HEPH: variants seen among roughly 807,000 people sequenced by gnomAD.
HEPH encodes hephaestin.
HEPH carries 69 observed loss-of-function variants against 80.8 expected under a neutral mutation model. The observed-to-expected ratio is 0.85, with a 90% CI of 0.70 to 1.04. The LOEUF is 1.04. Ranked by LOEUF, HEPH falls within the 50% of genes least tolerant of loss-of-function variation. The probability of loss-of-function intolerance (pLI) is 0.00; values close to 1 mark genes in which losing one functional copy is unlikely to be tolerated. For synonymous variants in HEPH, 431 were observed against 322.8 expected, an observed-to-expected ratio of 1.34 and a Z score of -3.60; for missense variants, 1,115 against 891.3, an observed-to-expected ratio of 1.25 and a Z score of -3.20.
chrX:66,203,650 A>G, intron 13 of HEPH, 73 bp downstream of exon 13: 2 of 907,949 alleles, frequency 2.2e-6, no homozygotes, highest in Admixed American at 5.4e-5. Context: ...AAATTCTGAG[A>G]TGAGGAGACT....
At chrX:66,241,482 T>G (rs1466223866) in intron 15 of HEPH, among the ~76,000 whole-genome samples, 1 of 111,453 alleles carries the variant, frequency 9.0e-6, no homozygotes, top group Non-Finnish European at 1.9e-5. Context: ...AAAACAGACT[T>G]TAAACCAACA....
intron 15 of HEPH, among the ~76,000 whole-genome samples, chrX:66,213,375 A>T (rs1369233627): frequency 9.0e-6 from 1 of 111,702 alleles, no homozygotes; most frequent in Non-Finnish European, 1.9e-5. Flanking sequence ...TTGTGGCACT[A>T]TTCACAATAG....
chrX:66,235,828 A>G (rs1362633107), intron 15 of HEPH, among the ~76,000 whole-genome samples: 1 of 111,966 alleles, frequency 8.9e-6, no homozygotes, highest in Non-Finnish European at 1.9e-5. Flanking sequence ...TCTATTCATG[A>G]TCCCATATTT....
intron 1 of HEPH, among the ~76,000 whole-genome samples, chrX:66,166,633 T>C (rs2086379928): frequency 8.9e-6 from 1 of 112,022 alleles, no homozygotes. Context: ...TGTCAATAAT[T>C]AGAAGGAAGA....
chrX:66,233,547 C>A (rs768428183), intron 15 of HEPH, among the ~76,000 whole-genome samples: 3 of 111,227 alleles, frequency 2.7e-5, no homozygotes, highest in South Asian at 7.5e-4. Flanking sequence ...AGAACATTTT[C>A]TTTTGCCCAA....
chrX:66,236,810 C>T (rs1367862222), intron 15 of HEPH, among the ~76,000 whole-genome samples: 2 of 110,969 alleles, frequency 1.8e-5, no homozygotes, highest in African/African-American at 6.6e-5. Context: ...TTTTATTGGC[C>T]TGTTCAGAAA....
chrX:66,240,003 A>G (rs945067406), intron 15 of HEPH, among the ~76,000 whole-genome samples: 1 of 111,898 alleles, frequency 8.9e-6, no homozygotes, highest in Admixed American at 9.5e-5. Flanking sequence ...TGAGAAACAA[A>G]CACATCAAAC....
rs763231609 is a variant in HEPH, at chrX:66,229,097, C to T, written c.2563+20851C>T. 9.8e-5 allele frequency among the ~76,000 whole-genome samples: 11 copies of T among 111,892 alleles called. No homozygotes were observed. In the East Asian group the frequency reaches 1.9e-3, roughly 20 times the overall value. On this transcript the variant is annotated intron_variant, in intron 15 of 20. Transcript: ENST00000343002. ...TTGCACATGCATGTTTATAGCAGCA[C>T]GATTTGCAATTGCAAAAATATGGAA...
intron 15 of HEPH, among the ~76,000 whole-genome samples, chrX:66,229,186 A>G (rs2090017536): frequency 8.9e-6 from 1 of 112,587 alleles, no homozygotes; most frequent in African/African-American, 3.2e-5. Context: ...AGATATAGAC[A>G]TAGACATAGA....
At chrX:66,209,870 G>A (rs1197956322) in intron 15 of HEPH, among the ~76,000 whole-genome samples, 1 of 111,041 alleles carries the variant, frequency 9.0e-6, no homozygotes, top group African/African-American at 3.3e-5. Context: ...GAATTTGTTG[G>A]ATTTGGTATA....
chrX:66,228,358 G>A lies in HEPH; in HGVS notation c.2563+20112G>A, dbSNP rs145224904. Among the ~76,000 whole-genome samples the A allele has an allele frequency of 8.7e-3, 968 of 111,831 alleles. 12 individuals carry two copies. Among genetic ancestry groups the A allele is most frequent in the African/African-American group, 0.03 (918 of 30,855 alleles). On this transcript the variant is annotated intron_variant, in intron 15 of 20. Coordinates refer to ENST00000343002, the MANE Select transcript of HEPH (RefSeq NM_001367233.3). ...GTGTGGAACACAGCAAAACCATATC[G>A]CTCACCTTATATAAAAATCAACTCA...
chrX:66,250,928 G>A (rs1189424438), intron 15 of HEPH, among the ~76,000 whole-genome samples: 1 of 112,170 alleles, frequency 8.9e-6, no homozygotes, highest in Non-Finnish European at 1.9e-5. Context: ...CTGTCACTTA[G>A]GCTGGAGTTT....
chrX:66,208,126 A>G lies in HEPH; in HGVS notation c.2443A>G (p.Lys815Glu). 8.4e-7 allele frequency: 1 copy of G among 1,193,264 alleles called. No homozygotes were observed. Among genetic ancestry groups the G allele is most frequent in the Non-Finnish European group, 1.1e-6 (1 of 882,550 alleles). The change falls in exon 15 of 21, where the codon AAA (lysine) becomes GAA (glutamate). Residue 815 changes from lysine (K) to glutamate (E), a missense_variant. Coordinates refer to ENST00000343002, the MANE Select transcript of HEPH (RefSeq NM_001367233.3). ...TTTGTTTACATTAGGTCCACTTATC[A>G]AAGGTGAAGTTGGTGATATCCTGAC... ...EHLGILGPLI[K>E]GEVGDILTVV... is the part of the protein sequence containing the mutation.
At chrX:66,250,592 A>C (rs1481454441) in intron 15 of HEPH, among the ~76,000 whole-genome samples, 1 of 111,541 alleles carries the variant, frequency 9.0e-6, no homozygotes, top group Non-Finnish European at 1.9e-5. Flanking sequence ...ATATATGTAT[A>C]TATATTCTTT....
chrX:66,164,196 T>G (rs956991962), upstream of HEPH: 20 of 751,024 alleles, frequency 2.7e-5, no homozygotes, highest in Non-Finnish European at 2.8e-5. Flanking sequence ...CGGATATGGG[T>G]AAAGAACCAT....
At chrX:66,233,703 C>A (rs1178789454) in intron 15 of HEPH, among the ~76,000 whole-genome samples, 1 of 109,582 alleles carries the variant, frequency 9.1e-6, no homozygotes, top group African/African-American at 3.3e-5. Context: ...CTCAAGGAAA[C>A]ATTATTAGTG....
chrX:66,246,395 C>A (rs745950670), intron 15 of HEPH, among the ~76,000 whole-genome samples: 9 of 111,554 alleles, frequency 8.1e-5, no homozygotes, highest in Non-Finnish European at 1.7e-4. Flanking sequence ...GAAGCTGGTG[C>A]TAAGCCCTGT....
chrX:66,193,658 T>C lies in HEPH; in HGVS notation c.1369+20T>C, dbSNP rs1020543283. 6 of 1,149,481 alleles carry C rather than the reference T, an allele frequency of 5.2e-6. No individual in the cohort carries two copies. Among genetic ancestry groups the C allele is most frequent in the South Asian group, 2.0e-5 (1 of 50,022 alleles). 94.7% of individuals were successfully genotyped at this position (1,149,481 alleles called of 1,213,427 possible). On this transcript the variant is annotated intron_variant, in intron 8 of 20. Coordinates refer to ENST00000343002, the MANE Select transcript of HEPH (RefSeq NM_001367233.3). The stretch of plus-strand genomic sequence containing the variant: ...TCCTGGGTGAGGAATTTTTAAATTA[T>C]GAAATTCATTTACTAGAGCCAGAGA...
intron 14 of HEPH, 73 bp from the exon 15 acceptor site, chrX:66,208,042 C>G (rs768834149): frequency 3.3e-5 from 26 of 785,512 alleles, no homozygotes; most frequent in Non-Finnish European, 4.6e-5. Context: ...TCATATATGT[C>G]CCTTTCTTTA....
Sources: gnomAD v4.1 joint callset for allele counts (sites outside exome capture counted in the v4.1 genomes callset) on GRCh38, gnomAD v4.1.1 for gene constraint, MANE v1.5 for transcripts, NCBI Gene and HGNC (gene_info 2026-07-23, HGNC 2026-07-21) for gene names.